MRPS28: variants seen among roughly 807,000 people sequenced by gnomAD.
MRPS28 encodes the protein small ribosomal subunit protein bS1m.
MRPS28 carries 7 observed loss-of-function variants against 10.8 expected under a neutral mutation model. The observed-to-expected ratio is 0.65, with a 90% confidence interval of 0.37 to 1.22. MRPS28 has a LOEUF of 1.22. Ranked by LOEUF, MRPS28 falls within the 50% of genes most tolerant of loss-of-function variation. The probability of loss-of-function intolerance (pLI) is 0.02; values close to 1 mark genes in which losing one functional copy is unlikely to be tolerated. For synonymous variants in MRPS28, 121 were observed against 93.3 expected (o/e 1.30, Z -1.71); for missense variants, 265 against 232.9 (o/e 1.14, Z -0.90).
chr8:79,928,090 G>A (rs191557103), intron 2 of MRPS28, among the ~76,000 whole-genome samples: 10 of 152,236 alleles, frequency 6.6e-5, no homozygotes, highest in African/African-American at 2.4e-4. Flanking sequence ...TTGGGAGGCT[G>A]AGGCAGGAGG....
Position 79,936,199 on chromosome 8 carries a change from G to A in MRPS28, c.396-17051C>T, listed in dbSNP as rs142322638. Among the ~76,000 whole-genome samples the A allele has an allele frequency of 8.4e-3, 1,280 of 151,930 alleles. 25 individuals are homozygous for A. Among genetic ancestry groups the A allele is most frequent in the African/African-American group, 0.029 (1,220 of 41,446 alleles). On this transcript the variant is annotated intron_variant, in intron 2 of 2. Coordinates refer to ENST00000276585, the MANE Select transcript of MRPS28 (RefSeq NM_014018.3). ...AAAAATTAGCCAAGCATCATGGCAT[G>A]CTCTTGCAGTCCCAGCTACTTGTGA...
chr8:79,929,898 C>T (rs564674421), intron 2 of MRPS28, among the ~76,000 whole-genome samples: 2 of 151,984 alleles, frequency 1.3e-5, no homozygotes, highest in East Asian at 1.9e-4. Context: ...TTCTCCGACA[C>T]CAGAAAGCAT....
chr8:80,001,586 C>A (rs933132161), intron 2 of MRPS28, among the ~76,000 whole-genome samples: 2 of 152,216 alleles, frequency 1.3e-5, no homozygotes, highest in African/African-American at 4.8e-5. Context: ...TAGCCGTTTA[C>A]ATAACAGATA....
At chr8:79,919,176 T>A in intron 2 of MRPS28, 28 bp from the exon 3 acceptor site, 1 of 1,495,752 alleles carries the variant, frequency 6.7e-7, no homozygotes, top group Non-Finnish European at 9.0e-7. Context: ...AAAAAATCCA[T>A]TAATTCTGAA....
chr8:80,007,460 T>G (rs1330362303), intron 1 of MRPS28, among the ~76,000 whole-genome samples: 1 of 152,110 alleles, frequency 6.6e-6, no homozygotes, highest in Non-Finnish European at 1.5e-5. Context: ...GGTATTCAAT[T>G]AGGAAAAGAG....
intron 1 of MRPS28, among the ~76,000 whole-genome samples, chr8:80,012,738 T>G (rs576009102): frequency 6.6e-6 from 1 of 152,268 alleles, no homozygotes; most frequent in Admixed American, 6.5e-5. Context: ...TAGAAAGGAG[T>G]AAGGTAAAGG....
rs772121198 is a variant in MRPS28, at chr8:79,973,642, G to T, written c.395+29357C>A. On this transcript the variant is annotated intron_variant, in intron 2 of 2. Coordinates refer to ENST00000276585, the MANE Select transcript of MRPS28 (RefSeq NM_014018.3). ...TAGGGTGTGCCTTCTACAAAGGAAG[G>T]TTGGGGCAACTAGTAAGTGTAAAGT... 5.3e-4 allele frequency among the ~76,000 whole-genome samples: 80 copies of T among 152,154 alleles called. 1 individual carries two copies. Among genetic ancestry groups the T allele is most frequent in the Non-Finnish European group, 5.3e-4 (36 of 68,022 alleles).
intron 2 of MRPS28, among the ~76,000 whole-genome samples, chr8:79,947,641 T>G (rs897257644): frequency 1.4e-5 from 2 of 144,284 alleles, no homozygotes; most frequent in East Asian, 2.0e-4. Context: ...TTTTTTTTTT[T>G]TTTTTTTTTT....
intron 1 of MRPS28, among the ~76,000 whole-genome samples, chr8:80,027,221 C>A (rs1019201733): frequency 6.6e-6 from 1 of 152,196 alleles, no homozygotes; most frequent in Non-Finnish European, 1.5e-5. Context: ...CTAAAATGCA[C>A]TGAATAAAGC....
At chr8:79,934,410 T>A (rs1279383200) in intron 2 of MRPS28, among the ~76,000 whole-genome samples, 1 of 152,064 alleles carries the variant, frequency 6.6e-6, no homozygotes, top group Non-Finnish European at 1.5e-5. Context: ...TGTAAGCAAT[T>A]AAAAGGCCAT....
intron 2 of MRPS28, among the ~76,000 whole-genome samples, chr8:79,937,396 G>A (rs942430010): frequency 6.6e-6 from 1 of 152,100 alleles, no homozygotes; most frequent in South Asian, 2.1e-4. Context: ...TGAGCGACTG[G>A]GGGCAGAAAA....
chr8:79,924,797 G>A (rs574234868), intron 2 of MRPS28, among the ~76,000 whole-genome samples: 40 of 151,904 alleles, frequency 2.6e-4, no homozygotes, highest in Non-Finnish European at 5.0e-4. Flanking sequence ...ATGTTCCCTC[G>A]ACCTGTCTAG....
intron 2 of MRPS28, among the ~76,000 whole-genome samples, chr8:79,969,767 CG>C (rs1290389577): frequency 6.6e-6 from 1 of 151,866 alleles, no homozygotes; most frequent in African/African-American, 2.4e-5. Context: ...AAGCAAATTA[CG>C]GTTATGTAAG....
chr8:79,932,406 CA>C (rs946634460), intron 2 of MRPS28, among the ~76,000 whole-genome samples: 1 of 152,146 alleles, frequency 6.6e-6, no homozygotes, highest in Non-Finnish European at 1.5e-5. Context: ...CAGAGCTTTT[CA>C]GGCAGCAGCA....
chr8:79,958,415 G>GCC, intron 2 of MRPS28: 1 of 691,604 alleles, frequency 1.4e-6, no homozygotes. Context: ...CCTCCAAACA[G>GCC]CATACCACGA....
chr8:79,960,614 A>G (rs115311795), intron 2 of MRPS28, among the ~76,000 whole-genome samples: 1 of 152,200 alleles, frequency 6.6e-6, no homozygotes, highest in African/African-American at 2.4e-5. Flanking sequence ...CATTCAGGAA[A>G]CCTTCCAAAA....
chr8:79,919,165 A>G lies in MRPS28; in HGVS notation c.396-17T>C, dbSNP rs1404037846. ...TGGTATTTCCTAAATAGTTAAAAAA[A>G]AAAAAATCCATTAATTCTGAATATC... is the stretch of plus-strand genomic sequence containing the variant. On this transcript the variant is annotated splice_polypyrimidine_tract_variant and intron_variant, in intron 2 of 2. Transcript: ENST00000276585. 1.3e-6 allele frequency: 2 copies of G among 1,543,386 alleles called. No individual in the cohort carries two copies. Among genetic ancestry groups the G allele is most frequent in the South Asian group, 2.5e-5 (2 of 80,238 alleles).
intron 2 of MRPS28, among the ~76,000 whole-genome samples, chr8:79,971,285 C>T (rs560707626): frequency 6.6e-6 from 1 of 152,282 alleles, no homozygotes; most frequent in South Asian, 2.1e-4. Flanking sequence ...AAAGAAAGAA[C>T]TGAGTCTCTT....
intron 1 of MRPS28, among the ~76,000 whole-genome samples, chr8:80,016,885 A>T (rs1809211154): frequency 6.6e-6 from 1 of 152,208 alleles, no homozygotes; most frequent in Non-Finnish European, 1.5e-5. Flanking sequence ...TCAGAAAAGG[A>T]CAGATCCAGC....
Sources: allele counts gnomAD v4.1 joint callset (sites outside exome capture counted in the v4.1 genomes callset), GRCh38; gene constraint gnomAD v4.1.1; transcripts MANE v1.5; gene names NCBI Gene and HGNC (gene_info 2026-07-23, HGNC 2026-07-21).